Variants in TTC28 observed in about 807,000 individuals in gnomAD.
TTC28 encodes the protein tetratricopeptide repeat protein 28.
Under a neutral mutation model 198.0 loss-of-function variants are expected in TTC28, and 61 were observed. The observed-to-expected ratio is 0.31, with a 90% CI of 0.25 to 0.38. The LOEUF is 0.38. TTC28 is among the 10% of genes least tolerant of loss of function. The pLI is 1.00. For missense variants in TTC28, 2,678 were observed against 3,164.0 expected (o/e 0.85, Z 3.69); for synonymous variants, 1,171 against 1,297.8 (o/e 0.90, Z 2.10).
chr22:28,087,017 C>G (rs1193365303), intron 12 of TTC28, among the ~76,000 whole-genome samples: 3 of 152,044 alleles, frequency 2.0e-5, no homozygotes, highest in Non-Finnish European at 4.4e-5. Flanking sequence ...TAGCAATAAT[C>G]AATAGCTTAC....
At chr22:28,160,401 C>A (rs890677167) in intron 6 of TTC28, among the ~76,000 whole-genome samples, 1 of 151,854 alleles carries the variant, frequency 6.6e-6, no homozygotes, top group African/African-American at 2.4e-5. Flanking sequence ...AGGACATATA[C>A]AAAGAAATAA....
chr22:28,099,850 G>C (rs1942091359), intron 9 of TTC28, among the ~76,000 whole-genome samples: 2 of 152,178 alleles, frequency 1.3e-5, no homozygotes, highest in South Asian at 2.1e-4. Flanking sequence ...GAGGGGAAGA[G>C]AGCGCCACAC....
Position 28,679,631 on chromosome 22 carries a change from C to G in TTC28, c.93G>C (p.Ala31=). Residue 31 remains alanine, a synonymous_variant, in exon 1 of 23, where the codon GCG becomes GCC. Coordinates refer to ENST00000397906, the MANE Select transcript of TTC28 (RefSeq NM_001145418.2). Reference sequence around the variant, plus strand: ...CCCCTCACGCACTCACCGGCGCCGACGCCGGCGGCGACTCTGGCTCCCGCC... The same window carrying G: ...CCCCTCACGCACTCACCGGCGCCGAGGCCGGCGGCGACTCTGGCTCCCGCC... ...RRRREPESPP[A]SAPIPLFGAD... 6.9e-7 allele frequency: 1 copy of G among 1,459,230 alleles called. No individual in the cohort carries two copies. Among genetic ancestry groups the G allele is most frequent in the Non-Finnish European group, 9.0e-7 (1 of 1,110,006 alleles). The allele number at this position is 1,459,230 out of a possible 1,614,324, so 90.4% of individuals were successfully genotyped here. A position where few individuals can be genotyped will look rare whatever the true frequency, so the allele number is the denominator to read the frequency against.
chr22:28,625,688 G>A (rs944841502), intron 2 of TTC28, among the ~76,000 whole-genome samples: 5 of 152,090 alleles, frequency 3.3e-5, no homozygotes, highest in African/African-American at 4.8e-5. Context: ...TTGATAAGCT[G>A]ATTCTACAAC....
At chr22:28,110,191 T>A (rs1942444985) in intron 6 of TTC28, among the ~76,000 whole-genome samples, 1 of 152,192 alleles carries the variant, frequency 6.6e-6, no homozygotes, top group Admixed American at 6.5e-5. Context: ...GGGACCACTC[T>A]GCTGGTCCTG....
chr22:28,037,072 G>A (rs183984924), intron 12 of TTC28, among the ~76,000 whole-genome samples: 2 of 152,080 alleles, frequency 1.3e-5, no homozygotes, highest in Admixed American at 6.5e-5. Flanking sequence ...ATTCACAGCC[G>A]AATTCTACCA....
At chr22:28,081,152 TACACACACAC>T (rs59531236) in intron 12 of TTC28, among the ~76,000 whole-genome samples, 1 of 149,032 alleles carries the variant, frequency 6.7e-6, no homozygotes, top group African/African-American at 2.5e-5. Flanking sequence ...TGGACATACA[TACACACACAC>T]ACACACACAC....
chr22:28,164,903 C>T (rs1030043886), intron 5 of TTC28, among the ~76,000 whole-genome samples: 3 of 151,900 alleles, frequency 2.0e-5, no homozygotes, highest in African/African-American at 4.8e-5. Flanking sequence ...AAGTTCGAAC[C>T]CATGGCAAAG....
intron 13 of TTC28, among the ~76,000 whole-genome samples, chr22:28,020,429 A>G (rs1938544173): frequency 6.6e-6 from 1 of 152,206 alleles, no homozygotes; most frequent in South Asian, 2.1e-4. Flanking sequence ...GCATGCATGC[A>G]GAGAGAGGTG....
intron 2 of TTC28, among the ~76,000 whole-genome samples, chr22:28,377,049 C>G (rs9306456): frequency 6.6e-6 from 1 of 150,804 alleles, no homozygotes; most frequent in East Asian, 1.9e-4. Flanking sequence ...GTAACAGATT[C>G]TAAAGTTAAA....
chr22:28,268,120 T>C (rs1003576591), intron 5 of TTC28, among the ~76,000 whole-genome samples: 1 of 152,232 alleles, frequency 6.6e-6, no homozygotes, highest in Admixed American at 6.5e-5. Flanking sequence ...GTCTGGTCCC[T>C]GCAGCCTTAC....
chr22:28,188,817 C>A (rs751520437), intron 5 of TTC28, among the ~76,000 whole-genome samples: 25 of 152,046 alleles, frequency 1.6e-4, no homozygotes, highest in Non-Finnish European at 3.5e-4. Context: ...GGGGATTCCC[C>A]AAATAAGAAA....
At chr22:28,555,820 C>T (rs2049776920) in intron 2 of TTC28, among the ~76,000 whole-genome samples, 1 of 152,054 alleles carries the variant, frequency 6.6e-6, no homozygotes, top group African/African-American at 2.4e-5. Context: ...CCAACTGTTC[C>T]CCAAAAACCT....
chr22:28,224,213 G>A (rs1928111838), intron 5 of TTC28, among the ~76,000 whole-genome samples: 1 of 152,194 alleles, frequency 6.6e-6, no homozygotes. Flanking sequence ...CTCTATAGCA[G>A]TGCTTCTTGA....
chr22:28,293,196 A>G (rs1044799583), intron 5 of TTC28, among the ~76,000 whole-genome samples: 1 of 152,206 alleles, frequency 6.6e-6, no homozygotes, highest in Non-Finnish European at 1.5e-5. Flanking sequence ...CAAGATATGG[A>G]AACAACCTAA....
At chr22:28,344,167 G>A (rs1425897271) in intron 2 of TTC28, among the ~76,000 whole-genome samples, 1 of 150,470 alleles carries the variant, frequency 6.6e-6, no homozygotes, top group African/African-American at 2.4e-5. Flanking sequence ...ACACAACTCA[G>A]AAATTAAGCT....
chr22:28,084,243 T>C (rs552144377), intron 12 of TTC28, among the ~76,000 whole-genome samples: 1 of 152,268 alleles, frequency 6.6e-6, no homozygotes, highest in African/African-American at 2.4e-5. Context: ...CCAAGTAACC[T>C]AACTGGGAAG....
chr22:28,627,435 CTTTTTTT>C (rs113850616), intron 2 of TTC28, among the ~76,000 whole-genome samples: 1 of 138,352 alleles, frequency 7.2e-6, no homozygotes, highest in Non-Finnish European at 1.6e-5. Flanking sequence ...TTTTCTTTTT[CTTTTTTT>C]TTTTTTTTTG....
chr22:28,650,024 C>T (rs1305823365), intron 1 of TTC28, among the ~76,000 whole-genome samples: 1 of 151,994 alleles, frequency 6.6e-6, no homozygotes, highest in Non-Finnish European at 1.5e-5. Context: ...GACCCTGTTC[C>T]TATTAAAATA....
Sources: allele counts gnomAD v4.1 joint callset (sites outside exome capture counted in the v4.1 genomes callset), GRCh38; gene constraint gnomAD v4.1.1; transcripts MANE v1.5; gene names NCBI Gene and HGNC (gene_info 2026-07-23, HGNC 2026-07-21).